The following PRDM16 variants were observed in gnomAD, a reference collection of about 807,000 sequenced individuals.
PRDM16 encodes the protein histone-lysine N-methyltransferase PRDM16.
PRDM16 carries 23 observed loss-of-function variants against 110.6 expected under a neutral mutation model. That is an observed-to-expected ratio of 0.21 (90% CI 0.15 to 0.29). The LOEUF is 0.29. PRDM16 is among the 10% of genes least tolerant of loss of function. PRDM16 has a pLI of 1.00. For synonymous variants in PRDM16, 799 were observed against 781.8 expected (o/e 1.02, Z -0.37); for missense variants, 1,615 against 1,794.3 (o/e 0.90, Z 1.81).
At chr1:3,271,687 C>T (rs1640459808) in intron 3 of PRDM16, among the ~76,000 whole-genome samples, 1 of 152,180 alleles carries the variant, frequency 6.6e-6, no homozygotes, top group South Asian at 2.1e-4. Context: ...CCCAGGCTGC[C>T]TGGTGATGTC....
At chr1:3,094,938 G>A (rs1415078537) in intron 1 of PRDM16, among the ~76,000 whole-genome samples, 3 of 152,186 alleles carry the variant, frequency 2.0e-5, no homozygotes, top group Non-Finnish European at 2.9e-5. Flanking sequence ...CCGGAACCCC[G>A]GTGCTCGTGA....
chr1:3,359,008 C>T lies in PRDM16; in HGVS notation c.439-26144C>T, dbSNP rs969311321. 6.6e-6 allele frequency among the ~76,000 whole-genome samples: 1 copy of T among 152,182 alleles called. No individual in the cohort carries two copies. The highest frequency in any genetic ancestry group is 2.4e-5 in the African/African-American group (1 of 41,440). On this transcript the variant is annotated intron_variant, in intron 3 of 16. Transcript: ENST00000270722. This position sits in a 1 kb window ranked among gnomAD's most constrained non-coding sequence, Gnocchi z 4.3. Reference sequence around the variant, plus strand: ...GGTCGCATTACAGCCAGTTGACTCGCGGAGTCCTCACTGGCCAACTAGAGT... The same window carrying T: ...GGTCGCATTACAGCCAGTTGACTCGTGGAGTCCTCACTGGCCAACTAGAGT...
chr1:3,259,355 C>G (rs990268849), intron 3 of PRDM16, among the ~76,000 whole-genome samples: 1 of 152,196 alleles, frequency 6.6e-6, no homozygotes, highest in African/African-American at 2.4e-5. Flanking sequence ...CGTGGCAGCA[C>G]CCTCCGTGTG....
chr1:3,158,802 C>G (rs1643877372), intron 1 of PRDM16, among the ~76,000 whole-genome samples: 1 of 127,314 alleles, frequency 7.9e-6, no homozygotes, highest in African/African-American at 3.0e-5. Context: ...GAGACAGAGT[C>G]TTGTTCTGTT....
chr1:3,070,316 C>G (rs932176801), intron 1 of PRDM16, among the ~76,000 whole-genome samples: 3 of 148,724 alleles, frequency 2.0e-5, no homozygotes, highest in African/African-American at 7.3e-5. Context: ...CCCGCGCCCT[C>G]GCCCGCCACA....
chr1:3,198,426 C>T (rs576912495), intron 2 of PRDM16, among the ~76,000 whole-genome samples: 108 of 152,372 alleles, frequency 7.1e-4, no homozygotes, highest in Non-Finnish European at 1.1e-3. Context: ...TGACTATTCT[C>T]ACTCAGCTGC....
At position 3,243,012 on chromosome 1, in the gene PRDM16, T is replaced by C. The variant is rs528460067; in HGVS notation, c.388-1075T>C. The stretch of plus-strand genomic sequence containing the variant: ...ATGGGTCACTGAGACGCCGCCACTC[T>C]GGAGTGCAGCCTGGTGGCTTTTAAG... On this transcript the variant is annotated intron_variant, in intron 2 of 16. Transcript: ENST00000270722. The surrounding 1 kb of genome is among the most constrained non-coding windows in gnomAD (Gnocchi z 5.5). 6.6e-6 allele frequency among the ~76,000 whole-genome samples: 1 copy of C among 152,346 alleles called. No homozygotes were observed. Among genetic ancestry groups the C allele is most frequent in the African/African-American group, 2.4e-5 (1 of 41,582 alleles).
intron 1 of PRDM16, among the ~76,000 whole-genome samples, chr1:3,135,684 T>C (rs1643423569): frequency 2.0e-5 from 3 of 152,208 alleles, no homozygotes; most frequent in Admixed American, 6.5e-5. Flanking sequence ...GGCACTGGCA[T>C]TGTGGGTCCC....
chr1:3,153,815 G>A (rs971506384), intron 1 of PRDM16, among the ~76,000 whole-genome samples: 3 of 152,212 alleles, frequency 2.0e-5, no homozygotes, highest in African/African-American at 4.8e-5. Context: ...TATAGAAAAC[G>A]CAGTAAATAC....
intron 3 of PRDM16, among the ~76,000 whole-genome samples, chr1:3,292,407 C>T (rs1640995965): frequency 6.6e-6 from 1 of 152,216 alleles, no homozygotes; most frequent in Admixed American, 6.5e-5. Context: ...CGCCCAGTGT[C>T]TCCAGCGAGA....
At chr1:3,414,482 T>G in intron 9 of PRDM16, 78 bp from the exon 10 acceptor site, 1 of 1,072,966 alleles carries the variant, frequency 9.3e-7, no homozygotes, top group Non-Finnish European at 1.4e-6. Context: ...TCAGGCGGGG[T>G]GGGCGGCTCT....
In PRDM16 at chr1:3,435,562, A is replaced by G. The variant is rs528009784; in HGVS notation, c.*1751A>G. ...GAAGAAAAAATGATGATAGAGTCCC[A>G]AAAAGAAGAGAAAAAAAATGCCCAA... On this transcript the variant is annotated 3_prime_UTR_variant, in exon 17 of 17. Coordinates refer to ENST00000270722, the MANE Select transcript of PRDM16 (RefSeq NM_022114.4). 2 of 232,230 alleles carry G rather than the reference A, an allele frequency of 8.6e-6. No homozygotes were observed. Among genetic ancestry groups the G allele is most frequent in the Admixed American group, 5.6e-5 (1 of 17,754 alleles). 14.4% of individuals were successfully genotyped at this position (232,230 alleles called of 1,614,324 possible). A position where few individuals can be genotyped will look rare whatever the true frequency, so the allele number is the denominator to read the frequency against.
intron 2 of PRDM16, among the ~76,000 whole-genome samples, chr1:3,192,569 G>A (rs892957714): frequency 6.6e-6 from 1 of 152,150 alleles, no homozygotes; most frequent in African/African-American, 2.4e-5. Flanking sequence ...TCATGGCAGT[G>A]GGCGGGGCTT....
chr1:3,194,704 G>GCCACACACCACCGTCTCCCCA lies in PRDM16; in HGVS notation c.387+8236_387+8237insACCACCGTCTCCCCACCACAC, dbSNP rs1638418115. Among the ~76,000 whole-genome samples, 4 of 145,834 alleles carry GCCACACACCACCGTCTCCCCA rather than the reference G, an allele frequency of 2.7e-5. No homozygotes were observed. The South Asian group carries it at 8.9e-4, about 33-fold the overall frequency. On this transcript the variant is annotated intron_variant, in intron 2 of 16. Coordinates refer to ENST00000270722, the MANE Select transcript of PRDM16 (RefSeq NM_022114.4). Reference sequence around the variant, plus strand: ...GATCGCCACACGCCATCGTCTCCCCGCCACACGCCACCGTCTCCCCGCCAC... The same window carrying GCCACACACCACCGTCTCCCCA: ...GATCGCCACACGCCATCGTCTCCCCGCCACACACCACCGTCTCCCCACCACACGCCACCGTCTCCCCGCCAC...
At chr1:3,180,180 TTTTG>T (rs976647705) in intron 1 of PRDM16, among the ~76,000 whole-genome samples, 7 of 151,732 alleles carry the variant, frequency 4.6e-5, no homozygotes, top group East Asian at 3.9e-4. Flanking sequence ...TGTTTTTTGT[TTTTG>T]TTTGTTTGCT....
intron 2 of PRDM16, among the ~76,000 whole-genome samples, chr1:3,205,560 T>C (rs1638735718): frequency 6.6e-6 from 1 of 152,192 alleles, no homozygotes; most frequent in African/African-American, 2.4e-5. Context: ...GGAAAATAAA[T>C]ACTTAACAAA....
intron 1 of PRDM16, among the ~76,000 whole-genome samples, chr1:3,095,260 G>A (rs1642369857): frequency 6.6e-6 from 1 of 152,228 alleles, no homozygotes; most frequent in Non-Finnish European, 1.5e-5. Context: ...CTGCAGCTGG[G>A]TTGAGGTGGC....
chr1:3,402,269 C>CG (rs938460869), intron 5 of PRDM16, among the ~76,000 whole-genome samples: 1 of 29,566 alleles, frequency 3.4e-5, no homozygotes, highest in Non-Finnish European at 1.2e-4. Context: ...GGGCCCAGAG[C>CG]CCCCCACCGG....
At chr1:3,171,737 C>G (rs1159127655) in intron 1 of PRDM16, among the ~76,000 whole-genome samples, 1 of 152,224 alleles carries the variant, frequency 6.6e-6, no homozygotes, top group East Asian at 1.9e-4. Context: ...GGAAGGACCC[C>G]AGGACTCCAG....
Sources: allele counts gnomAD v4.1 joint callset (sites outside exome capture counted in the v4.1 genomes callset), GRCh38; gene constraint gnomAD v4.1.1; non-coding constraint Gnocchi (gnomAD v3.1); transcripts MANE v1.5; gene names NCBI Gene and HGNC (gene_info 2026-07-23, HGNC 2026-07-21).